U2SURP: variants seen among roughly 807,000 people sequenced by gnomAD.
U2SURP encodes the protein U2 snRNP associated SURP domain containing, also known as U2 snRNP-associated SURP motif-containing protein.
A neutral mutation model predicts 144.9 loss-of-function variants in U2SURP; 9 were observed. The ratio of observed to expected loss-of-function variants is 0.06; its 90% CI spans 0.04 to 0.11. The LOEUF (loss-of-function observed/expected upper bound fraction) is 0.11, where lower values mean the gene tolerates loss of function less well. Ranked by LOEUF, U2SURP falls within the 10% of genes least tolerant of loss-of-function variation. U2SURP has a pLI of 1.00. For missense variants in U2SURP, 724 were observed against 1,226.7 expected (o/e 0.59, Z 6.12); for synonymous variants, 408 against 396.8 (o/e 1.03, Z -0.33).
chr3:143,017,107 C>A, intron 6 of U2SURP, 132 bp downstream of exon 6: 1 of 725,704 alleles, frequency 1.4e-6, no homozygotes. Flanking sequence ...AGTTTTGATG[C>A]TTTCTAACCC....
intron 3 of U2SURP, among the ~76,000 whole-genome samples, chr3:143,012,707 C>T (rs896169761): frequency 6.6e-6 from 1 of 152,112 alleles, no homozygotes; most frequent in East Asian, 1.9e-4. Flanking sequence ...AAACACTGTT[C>T]GTGTTCCCAC....
chr3:143,008,447 G>C (rs1422863137), intron 1 of U2SURP, among the ~76,000 whole-genome samples: 1 of 152,168 alleles, frequency 6.6e-6, no homozygotes, highest in African/African-American at 2.4e-5. Context: ...AATTGTTTTG[G>C]CAATTCTTTT....
chr3:143,039,803 C>A (rs1295361098), intron 23 of U2SURP, among the ~76,000 whole-genome samples: 1 of 151,738 alleles, frequency 6.6e-6, no homozygotes, highest in Admixed American at 6.6e-5. Flanking sequence ...AAAATGTGAT[C>A]AATCAGCAGG....
intron 24 of U2SURP, among the ~76,000 whole-genome samples, chr3:143,049,425 A>C (rs573442746): frequency 6.6e-6 from 1 of 152,360 alleles, no homozygotes; most frequent in African/African-American, 2.4e-5. Flanking sequence ...CATTTAAAGG[A>C]TATATCAGTG....
chr3:143,044,311 CGGG>C (rs1344091545), intron 24 of U2SURP, among the ~76,000 whole-genome samples: 4 of 18,916 alleles, frequency 2.1e-4, no homozygotes, highest in African/African-American at 6.9e-4. Flanking sequence ...TTTTTTGAGA[CGGG>C]GTTTCTTTCT....
chr3:143,018,297 A>G (rs1006827495), intron 6 of U2SURP, among the ~76,000 whole-genome samples: 3 of 152,018 alleles, frequency 2.0e-5, no homozygotes, highest in African/African-American at 7.2e-5. Context: ...GGTATTATAT[A>G]ACGTGGTCTT....
rs1458829061 is a variant in U2SURP, at chr3:143,059,583, G to A, written c.*3133G>A. 1.3e-5 allele frequency: 2 copies of A among 151,884 alleles called. No homozygotes were observed. The highest frequency in any genetic ancestry group is 1.5e-5 in the Non-Finnish European group (1 of 67,840). The allele number at this position is 151,884 out of a possible 1,614,324, so 9.4% of individuals were successfully genotyped here. A position where few individuals can be genotyped will look rare whatever the true frequency, so the allele number is the denominator to read the frequency against. On this transcript the variant is annotated 3_prime_UTR_variant, in exon 28 of 28. Coordinates refer to ENST00000473835, the MANE Select transcript of U2SURP (RefSeq NM_001080415.2). Reference sequence around the variant, plus strand: ...ATCATTATTGTTATTCAAAATAAGGGTAAATAAATCTCTGTATTGCCAAAG... The same window carrying A: ...ATCATTATTGTTATTCAAAATAAGGATAAATAAATCTCTGTATTGCCAAAG...
chr3:143,017,898 A>G (rs1936449728), intron 6 of U2SURP, among the ~76,000 whole-genome samples: 1 of 151,238 alleles, frequency 6.6e-6, no homozygotes, highest in South Asian at 2.2e-4. Context: ...TGCTGGGATT[A>G]CAGACGCCTG....
intron 20 of U2SURP, 38 bp downstream of exon 20, chr3:143,036,142 C>T (rs369502058): frequency 1.6e-5 from 25 of 1,551,510 alleles, no homozygotes; most frequent in Middle Eastern, 1.8e-4. Context: ...TTTTAAAATT[C>T]GTTTCTGGGG....
At chr3:143,051,467 C>G (rs1934848100) in intron 25 of U2SURP, among the ~76,000 whole-genome samples, 1 of 151,884 alleles carries the variant, frequency 6.6e-6, no homozygotes, top group South Asian at 2.1e-4. Flanking sequence ...GGAGGGACAG[C>G]AAGTGGTAGA....
At chr3:143,016,435 A>G (rs1433829084) in intron 5 of U2SURP, 64 bp downstream of exon 5, 1 of 1,429,680 alleles carries the variant, frequency 7.0e-7, no homozygotes, top group Non-Finnish European at 9.6e-7. Flanking sequence ...AGCGAGCCCC[A>G]TCTTGGTTGA....
At position 143,019,974 on chromosome 3, in the gene U2SURP, TA is replaced by T. The variant is rs1285557136; in HGVS notation, c.582del (p.Gly195GlufsTer17). 3 of 1,513,696 alleles carry T rather than the reference TA, an allele frequency of 2.0e-6. No homozygotes were observed. Among genetic ancestry groups the T allele is most frequent in the South Asian group, 2.5e-5 (2 of 78,818 alleles). 93.8% of individuals were successfully genotyped at this position (1,513,696 alleles called of 1,614,324 possible). A position where few individuals can be genotyped will look rare whatever the true frequency, so the allele number is the denominator to read the frequency against. ...ACTTGTCATATCCTTTATAGCCACTTAAAAAAGGAGAGAAAGAAAAGAAAAA... is the reference window on the plus strand; with the variant it reads ...ACTTGTCATATCCTTTATAGCCACTTAAAAAGGAGAGAAAGAAAAGAAAAA... Reference protein sequence around the residue: ...LVIETKKPPLKKGEKEKKKSN... With the variant: ...LVIETKKPPLXKGEKEKKKSN... On this transcript the variant is annotated frameshift_variant, in exon 7 of 28. Coordinates refer to ENST00000473835, the MANE Select transcript of U2SURP (RefSeq NM_001080415.2). LOFTEE classifies it high-confidence loss of function.
chr3:143,017,125 T>C, intron 6 of U2SURP, 150 bp downstream of exon 6: 1 of 599,138 alleles, frequency 1.7e-6, no homozygotes, highest in Non-Finnish European at 2.6e-6. Flanking sequence ...CCCAGTAATT[T>C]ACTTAGATGA....
In U2SURP at chr3:143,051,070, A is replaced by G. The variant is rs766128653; in HGVS notation, c.2655+21A>G. 2.8e-6 allele frequency: 4 copies of G among 1,407,834 alleles called. No individual in the cohort carries two copies. The East Asian group carries it at 6.9e-5, about 24-fold the overall frequency. The allele number at this position is 1,407,834 out of a possible 1,614,324, so 87.2% of individuals were successfully genotyped here. On this transcript the variant is annotated intron_variant, in intron 25 of 27. Coordinates refer to ENST00000473835, the MANE Select transcript of U2SURP (RefSeq NM_001080415.2). ...AACGAGTAAGGAATAAGTATACCCA[A>G]TAATACACATATTTTGAAGTTATTT...
chr3:143,024,615 G>T, intron 13 of U2SURP: 1 of 354,166 alleles, frequency 2.8e-6, no homozygotes, highest in African/African-American at 2.2e-5. Context: ...TAAAGCAGAA[G>T]AATTCATGCT....
chr3:143,035,025 G>T, intron 19 of U2SURP, 50 bp downstream of exon 19: 2 of 287,828 alleles, frequency 6.9e-6, no homozygotes, highest in South Asian at 3.1e-5. Context: ...AATGGGTGGG[G>T]GGAGGGCATT....
chr3:143,001,789 G>C, intron 1 of U2SURP, 116 bp downstream of exon 1: 1 of 1,366,006 alleles, frequency 7.3e-7, no homozygotes, highest in Non-Finnish European at 1.0e-6. Context: ...TAGTCGCGAC[G>C]GTAGGCCCGG....
intron 25 of U2SURP, among the ~76,000 whole-genome samples, chr3:143,052,148 AGGCCG>A (rs1934905833): frequency 6.6e-6 from 1 of 152,158 alleles, no homozygotes; most frequent in Non-Finnish European, 1.5e-5. Context: ...GCACTTCGGG[AGGCCG>A]GGCAATCACC....
Position 143,021,487 on chromosome 3 carries a change from G to A in U2SURP, c.784G>A (p.Ala262Thr), listed in dbSNP as rs755625649. 8.1e-6 allele frequency: 13 copies of A among 1,613,460 alleles called. No homozygotes were observed. Among genetic ancestry groups the A allele is most frequent in the South Asian group, 2.2e-5 (2 of 91,054 alleles). Residue 262 changes from alanine (A) to threonine (T), a missense_variant, in exon 10 of 28, where the codon GCA becomes ACA. Ala to Thr is a moderately conservative substitution (Grantham distance 58, BLOSUM62 0). Transcript: ENST00000473835. ...NRSSGVLDDY[A>T]PGSHDVGDPS... The stretch of plus-strand genomic sequence containing the variant: ...TTCTGCCCTAGTTCTTGATGATTAC[G>A]CACCTGGCTCACATGATGTAGGAGA...
Sources: allele counts gnomAD v4.1 joint callset (sites outside exome capture counted in the v4.1 genomes callset), GRCh38; gene constraint gnomAD v4.1.1; transcripts MANE v1.5; gene names NCBI Gene and HGNC (gene_info 2026-07-23, HGNC 2026-07-21).